The following MSRA variants were observed in gnomAD, a reference collection of about 807,000 sequenced individuals.
MSRA encodes methionine sulfoxide reductase A.
MSRA carries 54 observed loss-of-function variants against 31.3 expected under a neutral mutation model. That is an observed-to-expected ratio of 1.73 (90% CI 1.39 to 2.17). The LOEUF is 2.17. MSRA is among the 30% of genes most tolerant of loss of function. The pLI, the probability that MSRA is intolerant of heterozygous loss-of-function variation, is 0.00. For synonymous variants in MSRA, 169 were observed against 116.5 expected (o/e 1.45, Z -2.90); for missense variants, 507 against 300.9 (o/e 1.69, Z -5.07).
At chr8:10,121,896 G>A (rs1396716582) in intron 1 of MSRA, among the ~76,000 whole-genome samples, 1 of 151,218 alleles carries the variant, frequency 6.6e-6, no homozygotes, top group Non-Finnish European at 1.5e-5. Context: ...GCCCAGGCTG[G>A]TCTGAAACTC....
At chr8:10,410,332 G>A (rs1250678478) in intron 5 of MSRA, among the ~76,000 whole-genome samples, 2 of 152,212 alleles carry the variant, frequency 1.3e-5, no homozygotes, top group African/African-American at 4.8e-5. Flanking sequence ...TTTGGGGGGT[G>A]CCGGTGGAGG....
chr8:10,162,796 C>T (rs776886649), intron 1 of MSRA, among the ~76,000 whole-genome samples: 6 of 152,108 alleles, frequency 3.9e-5, no homozygotes, highest in Non-Finnish European at 8.8e-5. Context: ...ATGGGGAAAC[C>T]AAGGGTCACA....
intron 1 of MSRA, among the ~76,000 whole-genome samples, chr8:10,086,269 T>C (rs958945365): frequency 6.6e-6 from 1 of 152,218 alleles, no homozygotes; most frequent in Non-Finnish European, 1.5e-5. Context: ...CTCTTGGGTT[T>C]TCAGGTTGAG....
At position 10,428,129 on chromosome 8, in the gene MSRA, C is replaced by T. The variant is rs1357949813; in HGVS notation, c.544-19C>T. The T allele has an allele frequency of 3.1e-6, 5 of 1,605,694 alleles. No individual in the cohort carries two copies. Among genetic ancestry groups the T allele is most frequent in the Non-Finnish European group, 2.5e-6 (3 of 1,177,166 alleles). Reference sequence around the variant, plus strand: ...CTCTCTAGCATGGGAGCTGATGGCGCCTTTCTGTGTCCCCACAGGTTCTTT... The same window carrying T: ...CTCTCTAGCATGGGAGCTGATGGCGTCTTTCTGTGTCCCCACAGGTTCTTT... On this transcript the variant is annotated intron_variant, in intron 5 of 5. Transcript: ENST00000317173.
At chr8:10,301,052 A>C (rs1424539855) in intron 3 of MSRA, among the ~76,000 whole-genome samples, 1 of 152,138 alleles carries the variant, frequency 6.6e-6, no homozygotes, top group Non-Finnish European at 1.5e-5. Context: ...TAACTCACTG[A>C]TCTCATGTGA....
intron 1 of MSRA, among the ~76,000 whole-genome samples, chr8:10,067,754 C>T (rs62488691): frequency 0.11 from 16,065 of 152,068 alleles, 1,052 homozygotes; most frequent in East Asian, 0.25. Flanking sequence ...ATTTGCAATT[C>T]CCAAATGATA....
chr8:10,248,474 A>C (rs1338168017), intron 3 of MSRA, among the ~76,000 whole-genome samples: 1 of 152,152 alleles, frequency 6.6e-6, no homozygotes, highest in East Asian at 1.9e-4. Flanking sequence ...CTCAGCACAC[A>C]GGTGGGTGAA....
At chr8:10,086,634 G>T (rs1286590145) in intron 1 of MSRA, among the ~76,000 whole-genome samples, 1 of 152,054 alleles carries the variant, frequency 6.6e-6, no homozygotes, top group East Asian at 1.9e-4. Context: ...AGTGCAAAGT[G>T]TTTCTTATTG....
intron 1 of MSRA, among the ~76,000 whole-genome samples, chr8:10,162,916 C>A (rs2129042864): frequency 6.6e-6 from 1 of 152,230 alleles, no homozygotes; most frequent in East Asian, 1.9e-4. Context: ...TATCATGGGG[C>A]CTCCTGTGGT....
chr8:10,166,892 A>T (rs1805178412), intron 1 of MSRA, among the ~76,000 whole-genome samples: 1 of 152,064 alleles, frequency 6.6e-6, no homozygotes, highest in African/African-American at 2.4e-5. Flanking sequence ...CATACCCCTA[A>T]TTAAATCAGG....
chr8:10,396,173 G>A (rs752529212), intron 5 of MSRA, among the ~76,000 whole-genome samples: 45 of 152,186 alleles, frequency 3.0e-4, no homozygotes, highest in Non-Finnish European at 5.7e-4. Flanking sequence ...TGCTGCTGCT[G>A]TTATTGATGA....
At chr8:10,367,459 G>A (rs1012911760) in intron 5 of MSRA, among the ~76,000 whole-genome samples, 1 of 152,178 alleles carries the variant, frequency 6.6e-6, no homozygotes, top group African/African-American at 2.4e-5. Context: ...TCCACCGGGG[G>A]TCTTGGAACA....
chr8:10,225,869 G>A (rs1157783161), intron 2 of MSRA, among the ~76,000 whole-genome samples: 2 of 152,200 alleles, frequency 1.3e-5, no homozygotes, highest in Non-Finnish European at 2.9e-5. Flanking sequence ...AGATTTCCAA[G>A]GGAGGAAAAT....
chr8:10,083,689 T>A (rs576692123), intron 1 of MSRA, among the ~76,000 whole-genome samples: 7 of 152,354 alleles, frequency 4.6e-5, no homozygotes, highest in African/African-American at 1.7e-4. Flanking sequence ...AGAGGTTTTT[T>A]TTTCCTTATT....
intron 1 of MSRA, among the ~76,000 whole-genome samples, chr8:10,203,652 A>T (rs536171839): frequency 6.6e-6 from 1 of 152,384 alleles, no homozygotes; most frequent in African/African-American, 2.4e-5. Flanking sequence ...ATAGTTGATA[A>T]TCATCATAAA....
chr8:10,245,272 T>C, intron 3 of MSRA, 49 bp downstream of exon 3: 2 of 1,562,220 alleles, frequency 1.3e-6, no homozygotes, highest in Non-Finnish European at 1.8e-6. Flanking sequence ...AAGGGAGGGC[T>C]TGTCACTACT....
intron 4 of MSRA, among the ~76,000 whole-genome samples, chr8:10,313,467 T>TAAAA (rs534318833): frequency 7.7e-6 from 1 of 129,962 alleles, no homozygotes. Context: ...CCAAAAAATC[T>TAAAA]AAAAAAAAAA....
intron 2 of MSRA, among the ~76,000 whole-genome samples, chr8:10,229,604 C>T (rs1360087594): frequency 6.6e-6 from 1 of 152,004 alleles, no homozygotes; most frequent in Non-Finnish European, 1.5e-5. Context: ...GGCAGGGAGC[C>T]TAAGAGAACA....
At chr8:10,190,767 C>CTATG (rs1261906761) in intron 1 of MSRA, among the ~76,000 whole-genome samples, 2 of 152,112 alleles carry the variant, frequency 1.3e-5, no homozygotes, top group Non-Finnish European at 2.9e-5. Context: ...CTTCTGTGAC[C>CTATG]TATGGTTTTT....
Sources: allele counts gnomAD v4.1 joint callset (sites outside exome capture counted in the v4.1 genomes callset), GRCh38; gene constraint gnomAD v4.1.1; transcripts MANE v1.5; gene names NCBI Gene and HGNC (gene_info 2026-07-23, HGNC 2026-07-21).